The following SPAG9 variants were observed in gnomAD, a reference collection of about 807,000 sequenced individuals.
The protein encoded by SPAG9 is sperm associated antigen 9, also known as C-Jun-amino-terminal kinase-interacting protein 4.
In SPAG9, 35 loss-of-function variants were observed where a neutral mutation model predicts 166.5. The observed-to-expected ratio is 0.21, with a 90% CI of 0.16 to 0.28. SPAG9 has a LOEUF of 0.28. Ranked by LOEUF, SPAG9 falls within the 10% of genes least tolerant of loss-of-function variation. The pLI, the probability that SPAG9 is intolerant of heterozygous loss-of-function variation, is 1.00. For missense variants in SPAG9, 1,235 were observed against 1,603.3 expected (o/e 0.77, Z 3.92); for synonymous variants, 534 against 565.5 (o/e 0.94, Z 0.79).
chr17:50,999,629 GCTGT>G (rs746618478), intron 14 of SPAG9, 28 bp downstream of exon 14: 5 of 1,564,022 alleles, frequency 3.2e-6, no homozygotes, highest in Non-Finnish European at 4.4e-6. Context: ...TGTCTCATGT[GCTGT>G]CTAACATCTT....
At chr17:51,088,909 A>C (rs1472920594) in intron 1 of SPAG9, among the ~76,000 whole-genome samples, 1 of 150,996 alleles carries the variant, frequency 6.6e-6, no homozygotes, top group African/African-American at 2.4e-5. Flanking sequence ...TCTGGCCAAC[A>C]TGGTGCAACC....
Position 51,014,263 on chromosome 17 carries a change from T to A in SPAG9, c.1182A>T (p.Ile394=). 1 of 1,613,264 alleles carries A rather than the reference T, an allele frequency of 6.2e-7. No homozygotes were observed. The highest frequency in any genetic ancestry group is 8.5e-7 in the Non-Finnish European group (1 of 1,179,388). The change falls in exon 9 of 30, where the codon ATA becomes ATT. Residue 394 remains isoleucine (I), a synonymous_variant. Coordinates refer to ENST00000262013, the MANE Select transcript of SPAG9 (RefSeq NM_001130528.3). ...AATCTGCTCCTTCATCCACATCTCC[T>A]ATTAGGCCTGAGCCAGCTGAAGACA... The part of the protein sequence containing the change: ...EELSSAGSGL[I]GDVDEGADLL...
At chr17:51,039,810 A>G (rs889197931) in intron 5 of SPAG9, among the ~76,000 whole-genome samples, 6 of 152,128 alleles carry the variant, frequency 3.9e-5, no homozygotes, top group African/African-American at 1.4e-4. Flanking sequence ...TTTTTGTACT[A>G]AAAGTATCCC....
chr17:51,118,223 G>T (rs2049353862), intron 1 of SPAG9, among the ~76,000 whole-genome samples: 1 of 151,992 alleles, frequency 6.6e-6, no homozygotes. Context: ...TTTCATAAAT[G>T]TTCTCTGTTC....
intron 18 of SPAG9, 48 bp downstream of exon 18, chr17:50,995,008 TA>T (rs1250964348): frequency 1.4e-6 from 2 of 1,467,276 alleles, no homozygotes; most frequent in Non-Finnish European, 1.8e-6. Flanking sequence ...ATGAAAGAGT[TA>T]AACTCATAGT....
chr17:51,094,552 C>T (rs1160514666), intron 1 of SPAG9, among the ~76,000 whole-genome samples: 3 of 152,114 alleles, frequency 2.0e-5, no homozygotes, highest in African/African-American at 7.2e-5. Flanking sequence ...ACAAACTATA[C>T]CTTAGGGTAA....
rs766674730 is a variant in SPAG9, at chr17:50,999,546, T to A, written c.1664+115A>T. 24 of 1,243,862 alleles carry A rather than the reference T, an allele frequency of 1.9e-5. No individual in the cohort carries two copies. The Middle Eastern group carries it at 8.2e-4, about 42-fold the overall frequency. 77.1% of individuals were successfully genotyped at this position (1,243,862 alleles called of 1,614,324 possible). On this transcript the variant is annotated intron_variant, in intron 14 of 29. Transcript: ENST00000262013. ...AGCTACTTAACCATTACCCCTAGTT[T>A]AAAAAAAAAAAATGAAGGAAAGAAA...
intron 1 of SPAG9, among the ~76,000 whole-genome samples, chr17:51,106,303 AAAAT>A (rs2048949060): frequency 6.6e-6 from 1 of 152,180 alleles, no homozygotes; most frequent in Admixed American, 6.6e-5. Flanking sequence ...ACCGTGTCTC[AAAAT>A]AAATAGATAA....
intron 2 of SPAG9, among the ~76,000 whole-genome samples, chr17:51,064,668 A>G (rs2047610680): frequency 6.6e-6 from 1 of 152,242 alleles, no homozygotes; most frequent in Admixed American, 6.5e-5. Context: ...AAATTAGATT[A>G]GTGGTTTTCA....
At chr17:51,079,766 G>A (rs2144640061) in intron 1 of SPAG9, 62 bp from the exon 2 acceptor site, 1 of 1,132,954 alleles carries the variant, frequency 8.8e-7, no homozygotes, top group Non-Finnish European at 1.3e-6. Flanking sequence ...TTCAACTCCT[G>A]TTATTTCTTG....
chr17:51,054,766 C>T (rs1054772292), intron 3 of SPAG9, among the ~76,000 whole-genome samples: 1 of 152,062 alleles, frequency 6.6e-6, no homozygotes, highest in Non-Finnish European at 1.5e-5. Flanking sequence ...ACTGAAAAAG[C>T]TGCTGTATAA....
chr17:51,083,368 G>C (rs1389427126), intron 1 of SPAG9, among the ~76,000 whole-genome samples: 1 of 151,208 alleles, frequency 6.6e-6, no homozygotes, highest in African/African-American at 2.4e-5. Flanking sequence ...CCGCACAGCT[G>C]GGATTACAGG....
At chr17:51,069,611 T>C (rs1358080578) in intron 2 of SPAG9, among the ~76,000 whole-genome samples, 1 of 152,146 alleles carries the variant, frequency 6.6e-6, no homozygotes, top group Non-Finnish European at 1.5e-5. Context: ...TTAAATAAAA[T>C]TTAAACATTC....
intron 12 of SPAG9, among the ~76,000 whole-genome samples, chr17:51,004,830 A>G (rs1232740436): frequency 6.6e-6 from 1 of 152,242 alleles, no homozygotes; most frequent in Non-Finnish European, 1.5e-5. Context: ...GACTAGTACT[A>G]AAGTTCTAGA....
At position 51,120,681 on chromosome 17, in the gene SPAG9, C is replaced by A. The variant is rs756000293; in HGVS notation, c.-25G>T. ...TGGTGGCAAGCGGACGGGCGGGCGGCCCGGGGCGTCGCCGGCAGAGGGGCG... is the reference window on the plus strand; with the variant it reads ...TGGTGGCAAGCGGACGGGCGGGCGGACCGGGGCGTCGCCGGCAGAGGGGCG... On this transcript the variant is annotated 5_prime_UTR_variant, in exon 1 of 30. Transcript: ENST00000262013. This position sits in a 1 kb window ranked among gnomAD's most constrained non-coding sequence, Gnocchi z 4.7. 6.5e-7 allele frequency: 1 copy of A among 1,542,250 alleles called. No homozygotes were observed.
Position 51,006,093 on chromosome 17 carries a change from C to T in SPAG9, c.1416G>A (p.Glu472=), listed in dbSNP as rs929145020. The change falls in exon 11 of 30, where the codon GAG becomes GAA. Residue 472 remains glutamate (E), a synonymous_variant. Coordinates refer to ENST00000262013, the MANE Select transcript of SPAG9 (RefSeq NM_001130528.3). The part of the protein sequence containing the change: ...LEEKNRELEE[E]LRKARAEAED... ...ACACAGTTAAAACTTACTTCCTAAG[C>T]TCTTCCTCCAATTCTCTGTTCTTTT... 6.2e-7 allele frequency: 1 copy of T among 1,614,134 alleles called. No individual in the cohort carries two copies. The highest frequency in any genetic ancestry group is 8.5e-7 in the Non-Finnish European group (1 of 1,179,994).
intron 14 of SPAG9, chr17:50,999,398 C>A: frequency 1.8e-6 from 2 of 1,129,814 alleles, no homozygotes; most frequent in Non-Finnish European, 1.2e-6. Flanking sequence ...TTAAATTTGG[C>A]AGAGGATTGC....
chr17:50,994,785 AATG>A (rs1360154717), intron 18 of SPAG9, among the ~76,000 whole-genome samples: 1 of 152,220 alleles, frequency 6.6e-6, no homozygotes, highest in Non-Finnish European at 1.5e-5. Context: ...AAAGCAGAAC[AATG>A]ATAAAATGTT....
chr17:50,998,102 G>A (rs1463053426), intron 15 of SPAG9, among the ~76,000 whole-genome samples: 1 of 139,976 alleles, frequency 7.1e-6, no homozygotes, highest in African/African-American at 2.7e-5. Context: ...GCATGATCTC[G>A]GCTCACTGCA....
Sources: allele counts gnomAD v4.1 joint callset (sites outside exome capture counted in the v4.1 genomes callset), GRCh38; gene constraint gnomAD v4.1.1; non-coding constraint Gnocchi (gnomAD v3.1); transcripts MANE v1.5; gene names NCBI Gene and HGNC (gene_info 2026-07-23, HGNC 2026-07-21).